The following KCND3 variants were observed in gnomAD, a reference collection of about 807,000 sequenced individuals.
KCND3 encodes the protein A-type voltage-gated potassium channel KCND3.
KCND3 carries 9 observed loss-of-function variants against 51.1 expected under a neutral mutation model. The observed-to-expected ratio is 0.18, with a 90% CI of 0.11 to 0.31. The LOEUF (loss-of-function observed/expected upper bound fraction) is 0.31. KCND3 is among the 10% of genes least tolerant of loss of function. The probability of loss-of-function intolerance (pLI) is 1.00; values close to 1 mark genes in which losing one functional copy is unlikely to be tolerated. For synonymous variants in KCND3, 349 were observed against 368.0 expected (o/e 0.95, Z 0.59); for missense variants, 526 against 903.8 (o/e 0.58, Z 5.36).
intron 2 of KCND3, among the ~76,000 whole-genome samples, chr1:111,825,663 C>T (rs1211990868): frequency 6.6e-6 from 1 of 152,214 alleles, no homozygotes; most frequent in Admixed American, 6.5e-5. Context: ...GCTTCCACCA[C>T]CCAAAGATAC....
chr1:111,797,230 G>A (rs1404774987), intron 2 of KCND3, among the ~76,000 whole-genome samples: 1 of 152,154 alleles, frequency 6.6e-6, no homozygotes, highest in Non-Finnish European at 1.5e-5. Flanking sequence ...TCTTTCCATA[G>A]GTCACAGATC....
chr1:111,840,043 T>C lies in KCND3; in HGVS notation c.1107-52937A>G, dbSNP rs112403974. On this transcript the variant is annotated intron_variant, in intron 2 of 7. Transcript: ENST00000302127. Reference sequence around the variant, plus strand: ...GTTTAAGGTGCCAGCAGATGTGGTGTCCAGCGAGGGCCTGATCGTCAGAGA... The same window carrying C: ...GTTTAAGGTGCCAGCAGATGTGGTGCCCAGCGAGGGCCTGATCGTCAGAGA... 5.0e-3 allele frequency among the ~76,000 whole-genome samples: 764 copies of C among 152,318 alleles called. 3 individuals are homozygous for C. Among genetic ancestry groups the C allele is most frequent in the Non-Finnish European group, 8.8e-3 (600 of 68,020 alleles).
chr1:111,782,552 G>A (rs1211735724), intron 3 of KCND3, among the ~76,000 whole-genome samples: 3 of 152,026 alleles, frequency 2.0e-5, no homozygotes, highest in Non-Finnish European at 2.9e-5. Context: ...TTACATTCAA[G>A]CAAGTTCCTC....
intron 2 of KCND3, among the ~76,000 whole-genome samples, chr1:111,797,421 T>C (rs534040126): frequency 6.6e-6 from 1 of 152,078 alleles, no homozygotes; most frequent in Non-Finnish European, 1.5e-5. Flanking sequence ...GGCCAGTACT[T>C]TCCCCCCCAT....
In KCND3 at chr1:111,876,591, G is replaced by A. The variant is rs144262349; in HGVS notation, c.1107-89485C>T. On this transcript the variant is annotated intron_variant, in intron 2 of 7. Coordinates refer to ENST00000302127, the MANE Select transcript of KCND3 (RefSeq NM_001378969.1). Reference sequence around the variant, plus strand: ...CTTCAGCCCAAGCAAGATAAAACCAGGCAAGTTCAATCTGCTCCCAAACAC... The same window carrying A: ...CTTCAGCCCAAGCAAGATAAAACCAAGCAAGTTCAATCTGCTCCCAAACAC... Among the ~76,000 whole-genome samples the A allele has an allele frequency of 2.3e-3, 357 of 152,338 alleles. 1 individual carries two copies. Among genetic ancestry groups the A allele is most frequent in the Non-Finnish European group, 3.5e-3 (240 of 68,030 alleles).
At chr1:111,889,232 G>A (rs1571802943) in intron 2 of KCND3, among the ~76,000 whole-genome samples, 2 of 152,326 alleles carry the variant, frequency 1.3e-5, no homozygotes, top group South Asian at 2.1e-4. Context: ...TCAGGGGACA[G>A]ACACCGCAGC....
At chr1:111,885,849 T>G (rs1669547715) in intron 2 of KCND3, among the ~76,000 whole-genome samples, 1 of 152,088 alleles carries the variant, frequency 6.6e-6, no homozygotes, top group Admixed American at 6.5e-5. Context: ...ATTTTTATAT[T>G]TTTAGTAGAG....
At chr1:111,905,798 A>ATGG (rs1670624172) in intron 2 of KCND3, among the ~76,000 whole-genome samples, 4 of 152,182 alleles carry the variant, frequency 2.6e-5, no homozygotes, top group African/African-American at 9.7e-5. Flanking sequence ...GGCCCCACCC[A>ATGG]GGCCCTTTCA....
At chr1:111,895,201 G>A (rs768282467) in intron 2 of KCND3, among the ~76,000 whole-genome samples, 2 of 151,138 alleles carry the variant, frequency 1.3e-5, no homozygotes, top group African/African-American at 4.9e-5. Context: ...AGGGGGAGGA[G>A]GCAGGGTGAG....
chr1:111,839,160 G>C (rs1036715744), intron 2 of KCND3, among the ~76,000 whole-genome samples: 11 of 152,212 alleles, frequency 7.2e-5, no homozygotes, highest in Non-Finnish European at 1.3e-4. Context: ...GCTGTTTCCA[G>C]TCTTTGAGCA....
chr1:111,985,260 A>AT (rs1163209205), intron 1 of KCND3, among the ~76,000 whole-genome samples: 1 of 152,180 alleles, frequency 6.6e-6, no homozygotes, highest in African/African-American at 2.4e-5. Flanking sequence ...GTCTCAAGAG[A>AT]TCCCACCGAC....
At chr1:111,784,161 G>A (rs1380873128) in intron 3 of KCND3, among the ~76,000 whole-genome samples, 1 of 146,528 alleles carries the variant, frequency 6.8e-6, no homozygotes, top group Non-Finnish European at 1.5e-5. Context: ...AAGTAAAACT[G>A]GAGATATCTG....
chr1:111,920,095 G>C (rs1427712026), intron 2 of KCND3, among the ~76,000 whole-genome samples: 1 of 152,244 alleles, frequency 6.6e-6, no homozygotes, highest in Non-Finnish European at 1.5e-5. Flanking sequence ...GGGAACGTAA[G>C]GGAGTGGGAG....
chr1:111,960,466 A>G (rs941300714), intron 2 of KCND3, among the ~76,000 whole-genome samples: 1 of 152,248 alleles, frequency 6.6e-6, no homozygotes. Context: ...TGAGCTAAAG[A>G]CCAGCCAGGG....
rs751093070 is a variant in KCND3 at position 111,981,694 on chromosome 1, C to T, written c.1033G>A (p.Gly345Ser). The T allele has an allele frequency of 3.1e-6, 5 of 1,614,014 alleles. No individual in the cohort carries two copies. The highest frequency in any genetic ancestry group is 3.4e-6 in the Non-Finnish European group (4 of 1,180,034). ...FATVMFYAEK[G>S]SSASKFTSIP... ...CTTGTGAACTTGCTGGCCGAGGAGC[C>T]CTTCTCGGCATAAAACATCACAGTG... The change falls in exon 2 of 8, where the codon GGC becomes AGC. Residue 345 changes from glycine (G) to serine (S), a missense_variant. This residue lies in a region of KCND3 where 48 missense variants were observed against 228.5 expected (regional missense o/e 0.21). Coordinates refer to ENST00000302127, the MANE Select transcript of KCND3 (RefSeq NM_001378969.1). The surrounding 1 kb of genome is among the most constrained non-coding windows in gnomAD (Gnocchi z 6.2).
intron 2 of KCND3, among the ~76,000 whole-genome samples, chr1:111,848,658 C>G (rs1281316734): frequency 1.3e-5 from 2 of 152,234 alleles, no homozygotes; most frequent in Non-Finnish European, 2.9e-5. Context: ...GGTGCGTGGC[C>G]CCTGGGGCTG....
At chr1:111,939,732 T>C (rs1352939208) in intron 2 of KCND3, among the ~76,000 whole-genome samples, 2 of 152,232 alleles carry the variant, frequency 1.3e-5, no homozygotes, top group African/African-American at 4.8e-5. Context: ...ATCCTTTGGG[T>C]ATATACCCAG....
Position 111,773,815 on chromosome 1 carries a change from T to G in KCND3, c.*2262A>C, listed in dbSNP as rs1231857940. 4.6e-5 allele frequency: 7 copies of G among 152,200 alleles called. No individual in the cohort carries two copies. Among genetic ancestry groups the G allele is most frequent in the Non-Finnish European group, 8.8e-5 (6 of 68,036 alleles). 9.4% of individuals were successfully genotyped at this position (152,200 alleles called of 1,614,324 possible). A position where few individuals can be genotyped will look rare whatever the true frequency, so the allele number is the denominator to read the frequency against. ...AATTTTGCTCTAGTACTCATTTTTTTTAAGAGAAAAATTCTTTTCTAGTCC... is the reference window on the plus strand; with the variant it reads ...AATTTTGCTCTAGTACTCATTTTTTGTAAGAGAAAAATTCTTTTCTAGTCC... On this transcript the variant is annotated 3_prime_UTR_variant, in exon 8 of 8. Transcript: ENST00000302127.
At chr1:111,846,640 G>T (rs1667564369) in intron 2 of KCND3, among the ~76,000 whole-genome samples, 1 of 152,114 alleles carries the variant, frequency 6.6e-6, no homozygotes, top group African/African-American at 2.4e-5. Flanking sequence ...GGATTATACG[G>T]GACAGTCTAC....
Sources: allele counts gnomAD v4.1 joint callset (sites outside exome capture counted in the v4.1 genomes callset), GRCh38; gene constraint gnomAD v4.1.1; regional missense constraint gnomAD v4.1.1; non-coding constraint Gnocchi (gnomAD v3.1); transcripts MANE v1.5; gene names NCBI Gene and HGNC (gene_info 2026-07-23, HGNC 2026-07-21).